SH3GL3: variants seen among roughly 807,000 people sequenced by gnomAD.
The protein encoded by SH3GL3 is SH3 domain containing GRB2 like 3, endophilin A3, also known as endophilin-A3.
A neutral mutation model predicts 47.7 loss-of-function variants in SH3GL3; 33 were observed. The ratio of observed to expected loss-of-function variants is 0.69; its 90% CI spans 0.52 to 0.92. SH3GL3 has a LOEUF of 0.92. Among genes scored for constraint, SH3GL3 ranks in the 40% least tolerant of loss-of-function variants. The pLI is 0.00. For synonymous variants in SH3GL3, 155 were observed against 148.8 expected (o/e 1.04, Z -0.30); for missense variants, 363 against 417.8 (o/e 0.87, Z 1.14).
intron 1 of SH3GL3, among the ~76,000 whole-genome samples, chr15:83,506,779 G>A (rs1380811603): frequency 2.0e-5 from 3 of 151,894 alleles, no homozygotes; most frequent in African/African-American, 7.3e-5. Flanking sequence ...TTTTGTTTCT[G>A]GTGTGAATTG....
At chr15:83,465,436 G>T (rs1436321835) in intron 1 of SH3GL3, among the ~76,000 whole-genome samples, 1 of 151,896 alleles carries the variant, frequency 6.6e-6, no homozygotes, top group Non-Finnish European at 1.5e-5. Flanking sequence ...TCCTCTTCGG[G>T]CCTGTGAAAC....
chr15:83,487,869 TTTTCTTTTC>T (rs1195686612), intron 1 of SH3GL3, among the ~76,000 whole-genome samples: 92 of 146,812 alleles, frequency 6.3e-4, no homozygotes, highest in Non-Finnish European at 1.1e-3. Flanking sequence ...TTTCTTTTCT[TTTTCTTTTC>T]TTTTTTTTTT....
At chr15:83,588,361 C>A (rs2151806712) in intron 7 of SH3GL3, among the ~76,000 whole-genome samples, 1 of 152,246 alleles carries the variant, frequency 6.6e-6, no homozygotes, top group Non-Finnish European at 1.5e-5. Context: ...GAACTCCTGA[C>A]CTCAGGTGAG....
chr15:83,465,935 C>T (rs1287232046), intron 1 of SH3GL3, among the ~76,000 whole-genome samples: 1 of 152,074 alleles, frequency 6.6e-6, no homozygotes, highest in Non-Finnish European at 1.5e-5. Context: ...TTGTACATAT[C>T]ACAACTAGGA....
chr15:83,622,970 G>A (rs1383589870), downstream of SH3GL3, among the ~76,000 whole-genome samples: 1 of 152,220 alleles, frequency 6.6e-6, no homozygotes, highest in African/African-American at 2.4e-5. Context: ...TATTCTGTTG[G>A]GAAGTGCAGA....
chr15:83,473,529 A>T (rs2040934916), intron 1 of SH3GL3, among the ~76,000 whole-genome samples: 1 of 150,246 alleles, frequency 6.7e-6, no homozygotes, highest in African/African-American at 2.4e-5. Context: ...CCTTGGCTAG[A>T]GAGAGCAGAC....
At chr15:83,530,573 A>G (rs914250954) in intron 1 of SH3GL3, among the ~76,000 whole-genome samples, 3 of 148,912 alleles carry the variant, frequency 2.0e-5, no homozygotes, top group Non-Finnish European at 4.4e-5. Flanking sequence ...AGATACCTCT[A>G]GTCAGTCATT....
At chr15:83,566,346 CAGAGAGAGAG>C (rs147698292) in intron 3 of SH3GL3, among the ~76,000 whole-genome samples, 1 of 134,294 alleles carries the variant, frequency 7.4e-6, no homozygotes, top group Non-Finnish European at 1.6e-5. Context: ...GAAAGATGGG[CAGAGAGAGAG>C]AGAGAGAGAG....
intron 3 of SH3GL3, among the ~76,000 whole-genome samples, chr15:83,567,524 T>C (rs1430323681): frequency 6.6e-6 from 1 of 152,126 alleles, no homozygotes; most frequent in Admixed American, 6.5e-5. Flanking sequence ...GACGCAGTGA[T>C]GCGCATCACC....
chr15:83,491,639 GC>G (rs2151582898), intron 1 of SH3GL3, among the ~76,000 whole-genome samples: 1 of 152,328 alleles, frequency 6.6e-6, no homozygotes, highest in East Asian at 1.9e-4. Context: ...TTTGAAAGGT[GC>G]TGTAAGGAGT....
chr15:83,507,460 G>C (rs192941119), intron 1 of SH3GL3, among the ~76,000 whole-genome samples: 99 of 151,810 alleles, frequency 6.5e-4, no homozygotes, highest in Admixed American at 1.6e-3. Context: ...CTGTCGCCCA[G>C]GCTAGAGTGA....
intron 1 of SH3GL3, among the ~76,000 whole-genome samples, chr15:83,537,568 CG>C (rs1323194482): frequency 3.9e-5 from 6 of 152,030 alleles, no homozygotes; most frequent in South Asian, 4.2e-4. Context: ...ATAGAGATGG[CG>C]TGTGGGGATG....
rs752213740 is a variant in SH3GL3 at position 83,576,751 on chromosome 15, T to TAAACCAAATAGGA, written c.624+11_624+23dup. The TAAACCAAATAGGA allele has an allele frequency of 6.4e-7, 1 of 1,551,246 alleles. No homozygotes were observed. The highest frequency in any genetic ancestry group is 1.1e-5 in the South Asian group (1 of 88,268). ...CTTTTTAGAAAATGATGTAAGTATT[T>TAAACCAAATAGGA]AAACCAAATAGGAGATTTTAATGTA... On this transcript the variant is annotated intron_variant, in intron 6 of 8. Transcript: ENST00000427482.
chr15:83,520,286 C>T (rs1296652610), intron 1 of SH3GL3, among the ~76,000 whole-genome samples: 1 of 152,190 alleles, frequency 6.6e-6, no homozygotes, highest in Non-Finnish European at 1.5e-5. Flanking sequence ...ACTATATCTT[C>T]TAAGACTGTT....
At chr15:83,601,731 C>T (rs1259606147) in intron 8 of SH3GL3, among the ~76,000 whole-genome samples, 1 of 151,696 alleles carries the variant, frequency 6.6e-6, no homozygotes, top group Non-Finnish European at 1.5e-5. Context: ...AGGGAGGATT[C>T]CCTCTTTCTG....
intron 1 of SH3GL3, among the ~76,000 whole-genome samples, chr15:83,544,809 A>G (rs1426329996): frequency 1.3e-5 from 2 of 152,136 alleles, no homozygotes; most frequent in African/African-American, 4.8e-5. Context: ...CCAGGATAAA[A>G]TCTTTTTCCT....
chr15:83,609,343 A>G (rs2060605785), intron 8 of SH3GL3: 3 of 455,864 alleles, frequency 6.6e-6, no homozygotes, highest in Non-Finnish European at 8.8e-6. Flanking sequence ...ACAGCAGGAA[A>G]AAGTGACAGG....
At chr15:83,555,478 C>G (rs1363698329) in intron 1 of SH3GL3, among the ~76,000 whole-genome samples, 1 of 152,098 alleles carries the variant, frequency 6.6e-6, no homozygotes, top group African/African-American at 2.4e-5. Flanking sequence ...TCACTTCTCT[C>G]TAGTGATTGT....
At chr15:83,472,952 G>A (rs112371331) in intron 1 of SH3GL3, among the ~76,000 whole-genome samples, 58 of 152,240 alleles carry the variant, frequency 3.8e-4, no homozygotes, top group African/African-American at 1.2e-3. Flanking sequence ...TTATTGCTGA[G>A]GGGGAGCGAG....
Sources: allele counts gnomAD v4.1 joint callset (sites outside exome capture counted in the v4.1 genomes callset), GRCh38; gene constraint gnomAD v4.1.1; transcripts MANE v1.5; gene names NCBI Gene and HGNC (gene_info 2026-07-23, HGNC 2026-07-21).